Variants in STMND1 observed in about 807,000 individuals in gnomAD.
STMND1 encodes stathmin domain-containing protein 1.
A neutral mutation model predicts 23.0 loss-of-function variants in STMND1; 17 were observed. The observed-to-expected ratio is 0.74, with a 90% CI of 0.51 to 1.11. The LOEUF (loss-of-function observed/expected upper bound fraction) is 1.11. STMND1 is among the 50% of genes least tolerant of loss of function. The probability of loss-of-function intolerance (pLI) is 0.00; values close to 1 mark genes in which losing one functional copy is unlikely to be tolerated. For synonymous variants in STMND1, 114 were observed against 119.9 expected, an observed-to-expected ratio of 0.95 and a Z score of 0.32; for missense variants, 305 against 329.1, an observed-to-expected ratio of 0.93 and a Z score of 0.57.
intron 3 of STMND1, 28 bp from the exon 4 acceptor site, chr6:17,129,084 C>G: frequency 6.5e-7 from 1 of 1,531,666 alleles, no homozygotes; most frequent in South Asian, 1.2e-5. Context: ...ATGATTGTTT[C>G]TTCATGTAAA....
Position 17,131,086 on chromosome 6 carries a change from A to G in STMND1, c.*205A>G. 4.1e-6 allele frequency: 2 copies of G among 488,532 alleles called. No individual in the cohort carries two copies. Among genetic ancestry groups the G allele is most frequent in the Non-Finnish European group, 3.6e-6 (1 of 281,100 alleles). The allele number at this position is 488,532 out of a possible 1,614,324, so 30.3% of individuals were successfully genotyped here. On this transcript the variant is annotated 3_prime_UTR_variant, in exon 5 of 5. Coordinates refer to ENST00000536551, the MANE Select transcript of STMND1 (RefSeq NM_001190766.2). ...AGCTTTTAAAAAAAGAGCGAGGGGG[A>G]GACTTGACCAGCATAGATATTTGGC...
At chr6:17,125,970 G>T (rs372237729) in intron 3 of STMND1, among the ~76,000 whole-genome samples, 9 of 130,172 alleles carry the variant, frequency 6.9e-5, no homozygotes, top group African/African-American at 2.6e-4. Context: ...GGTTGATTTT[G>T]TTGTTGTCAA....
intron 3 of STMND1, among the ~76,000 whole-genome samples, chr6:17,124,662 GC>G (rs1761273112): frequency 6.6e-6 from 1 of 152,192 alleles, no homozygotes; most frequent in African/African-American, 2.4e-5. Flanking sequence ...TGGATAACCA[GC>G]TTTCGAGATG....
chr6:17,123,658 C>A (rs1369799624), intron 3 of STMND1, among the ~76,000 whole-genome samples: 2 of 152,200 alleles, frequency 1.3e-5, no homozygotes, highest in Non-Finnish European at 2.9e-5. Context: ...CTCTACACAA[C>A]GCTCTCAAAT....
intron 4 of STMND1, 81 bp downstream of exon 4, chr6:17,129,324 A>G: frequency 2.1e-6 from 3 of 1,395,952 alleles, no homozygotes; most frequent in Non-Finnish European, 2.9e-6. Flanking sequence ...TCCTATCAGC[A>G]GTTTTAAGAC....
At chr6:17,126,062 ATATATATATTTT>A (rs1459281182) in intron 3 of STMND1, among the ~76,000 whole-genome samples, 1 of 24,372 alleles carries the variant, frequency 4.1e-5, no homozygotes, top group African/African-American at 1.7e-4. Flanking sequence ...ATATATATAT[ATATATATATTTT>A]TTTTTTTTTT....
intron 1 of STMND1, among the ~76,000 whole-genome samples, chr6:17,113,687 C>T (rs1422088771): frequency 3.4e-5 from 5 of 147,630 alleles, no homozygotes; most frequent in African/African-American, 5.1e-5. Context: ...AGGCTGGTCT[C>T]GAACTCCTGG....
chr6:17,116,297 A>G (rs1761159478), intron 2 of STMND1, among the ~76,000 whole-genome samples: 1 of 152,212 alleles, frequency 6.6e-6, no homozygotes, highest in African/African-American at 2.4e-5. Flanking sequence ...TGCAGCGTCA[A>G]GGAGTCCTCA....
chr6:17,115,173 T>G (rs1457224651), intron 2 of STMND1, 34 bp downstream of exon 2: 1 of 1,508,708 alleles, frequency 6.6e-7, no homozygotes, highest in Admixed American at 2.2e-5. Flanking sequence ...ACGTAGATCT[T>G]CACAAAATAC....
At chr6:17,106,030 T>G (rs1339197493) in intron 1 of STMND1, among the ~76,000 whole-genome samples, 1 of 152,182 alleles carries the variant, frequency 6.6e-6, no homozygotes, top group East Asian at 1.9e-4. Context: ...CTCCCCACAC[T>G]CACACCGTAG....
chr6:17,109,212 G>C (rs1761066995), intron 1 of STMND1, among the ~76,000 whole-genome samples: 1 of 152,090 alleles, frequency 6.6e-6, no homozygotes, highest in South Asian at 2.1e-4. Context: ...AGTTTTTGAT[G>C]ACTTTCTTGT....
In STMND1 at chr6:17,130,681, G is replaced by T. The variant is rs1355373954; in HGVS notation, c.631G>T (p.Ala211Ser). The T allele has an allele frequency of 4.6e-6, 7 of 1,536,058 alleles. No homozygotes were observed. Among genetic ancestry groups the T allele is most frequent in the Non-Finnish European group, 6.1e-6 (7 of 1,146,892 alleles). The part of the protein sequence containing the change: ...NHSDSAELDG[A>S]EVAFAKGLQR... ...CTCAGATTCAGCTGAATTAGATGGG[G>T]CCGAGGTTGCATTTGCCAAAGGACT... Residue 211 changes from alanine (A) to serine (S), a missense_variant, in exon 5 of 5, where the codon GCC (alanine) becomes TCC (serine). Coordinates refer to ENST00000536551, the MANE Select transcript of STMND1 (RefSeq NM_001190766.2).
intron 3 of STMND1, among the ~76,000 whole-genome samples, chr6:17,126,435 C>T (rs961651687): frequency 2.0e-4 from 30 of 151,986 alleles, no homozygotes; most frequent in Non-Finnish European, 3.4e-4. Context: ...CAGAAAAATC[C>T]AAGCTCTCTC....
At position 17,130,873 on chromosome 6, in the gene STMND1, G is replaced by A; in HGVS notation, c.823G>A (p.Val275Ile). 1 of 1,520,940 alleles carries A rather than the reference G, an allele frequency of 6.6e-7. No homozygotes were observed. Among genetic ancestry groups the A allele is most frequent in the Middle Eastern group, 1.7e-4 (1 of 5,908 alleles). The allele number at this position is 1,520,940 out of a possible 1,614,324, so 94.2% of individuals were successfully genotyped here. A position where few individuals can be genotyped will look rare whatever the true frequency, so the allele number is the denominator to read the frequency against. Reference protein sequence around the residue: ...DMSYNQADDIVY With the variant: ...DMSYNQADDIIY Reference sequence around the variant, plus strand: ...GTCCTACAACCAAGCAGATGACATAGTCTACTAAGCCATTTTTTGTGAATT... The same window carrying A: ...GTCCTACAACCAAGCAGATGACATAATCTACTAAGCCATTTTTTGTGAATT... The change falls in exon 5 of 5, where the codon GTC (valine) becomes ATC (isoleucine). Residue 275 changes from valine (V) to isoleucine (I), a missense_variant. Coordinates refer to ENST00000536551, the MANE Select transcript of STMND1 (RefSeq NM_001190766.2).
At chr6:17,110,514 A>G (rs1761082575) in intron 1 of STMND1, 2 of 240,320 alleles carry the variant, frequency 8.3e-6, no homozygotes, top group Non-Finnish European at 8.4e-6. Flanking sequence ...GCACGTCTGT[A>G]ATCCCAACAC....
chr6:17,103,635 G>T lies in STMND1; in HGVS notation c.81+1297G>T, dbSNP rs748360717. ...CACCCAGGCTGGAGTGCAATGGCAC[G>T]ATCTCAGCTCACTGCAACCTCCATC... On this transcript the variant is annotated intron_variant, in intron 1 of 4. Coordinates refer to ENST00000536551, the MANE Select transcript of STMND1 (RefSeq NM_001190766.2). Among the ~76,000 whole-genome samples the T allele has an allele frequency of 9.1e-5, 12 of 131,912 alleles. No homozygotes were observed. The South Asian group carries it at 1.5e-3, about 16-fold the overall frequency. 86.5% of individuals were successfully genotyped at this position (131,912 alleles called of 152,430 possible).
At position 17,116,967 on chromosome 6, in the gene STMND1, A is replaced by G. The variant is rs537899648; in HGVS notation, c.259+1828A>G. ...TTTTCTGTTAATAAGTTACAGACAT[A>G]ATGCCACTTCGCTTTCACATACTCC... On this transcript the variant is annotated intron_variant, in intron 2 of 4. Transcript: ENST00000536551. Among the ~76,000 whole-genome samples, 49 of 152,338 alleles carry G rather than the reference A, an allele frequency of 3.2e-4. 1 individual carries two copies. In the South Asian group the frequency reaches 9.1e-3, roughly 28 times the overall value.
At chr6:17,117,365 G>C (rs181619482) in intron 2 of STMND1, among the ~76,000 whole-genome samples, 1 of 152,020 alleles carries the variant, frequency 6.6e-6, no homozygotes, top group Non-Finnish European at 1.5e-5. Flanking sequence ...CACCATGCCC[G>C]GCCAGGAAAT....
chr6:17,102,176 C>G lies in STMND1; in HGVS notation c.-82C>G, dbSNP rs1760945722. Reference sequence around the variant, plus strand: ...GGCGCAGGGCGCAGGAGCGCGGGACCACCGGCGCCGGAGCGCGGCAGGGAG... The same window carrying G: ...GGCGCAGGGCGCAGGAGCGCGGGACGACCGGCGCCGGAGCGCGGCAGGGAG... On this transcript the variant is annotated 5_prime_UTR_variant, in exon 1 of 5. Transcript: ENST00000536551. 2 of 1,366,292 alleles carry G rather than the reference C, an allele frequency of 1.5e-6. No homozygotes were observed. The highest frequency in any genetic ancestry group is 3.2e-5 in the South Asian group (2 of 62,262). The allele number at this position is 1,366,292 out of a possible 1,614,324, so 84.6% of individuals were successfully genotyped here.
Sources: gnomAD v4.1 joint callset for allele counts (sites outside exome capture counted in the v4.1 genomes callset) on GRCh38, gnomAD v4.1.1 for gene constraint, MANE v1.5 for transcripts, NCBI Gene and HGNC (gene_info 2026-07-23, HGNC 2026-07-21) for gene names.